The following CLPX variants were observed in gnomAD, a reference collection of about 807,000 sequenced individuals.
CLPX encodes the protein caseinolytic mitochondrial matrix peptidase chaperone subunit X, also known as ATP-dependent clpX-like chaperone, mitochondrial.
CLPX carries 34 observed loss-of-function variants against 76.4 expected under a neutral mutation model. That is an observed-to-expected ratio of 0.45 (90% CI 0.34 to 0.59). The LOEUF is 0.59. Ranked by LOEUF, CLPX falls within the 20% of genes least tolerant of loss-of-function variation. The pLI, the probability that CLPX is intolerant of heterozygous loss-of-function variation, is 0.01. For synonymous variants in CLPX, 248 were observed against 270.9 expected, an observed-to-expected ratio of 0.92 and a Z score of 0.83; for missense variants, 613 against 757.0, an observed-to-expected ratio of 0.81 and a Z score of 2.23.
chr15:65,151,706 T>C (rs2087723151), intron 13 of CLPX, among the ~76,000 whole-genome samples: 1 of 152,192 alleles, frequency 6.6e-6, no homozygotes, highest in Non-Finnish European at 1.5e-5. Context: ...TAAAAGATTA[T>C]ATCTCTCTGG....
chr15:65,168,862 CTT>C (rs879531675), intron 3 of CLPX, among the ~76,000 whole-genome samples: 2 of 144,266 alleles, frequency 1.4e-5, no homozygotes, highest in Non-Finnish European at 1.5e-5. Flanking sequence ...TTTCTTTTCT[CTT>C]TTTTTTTTTT....
intron 1 of CLPX, among the ~76,000 whole-genome samples, chr15:65,181,613 C>T (rs1200197223): frequency 1.3e-5 from 2 of 151,516 alleles, no homozygotes; most frequent in Non-Finnish European, 2.9e-5. Context: ...AGTAGCCAGG[C>T]GTGGTGACAG....
At chr15:65,152,163 C>T (rs1330810486) in intron 13 of CLPX, among the ~76,000 whole-genome samples, 2 of 152,044 alleles carry the variant, frequency 1.3e-5, no homozygotes, top group Admixed American at 6.6e-5. Flanking sequence ...CTCTTGACCT[C>T]GTGATCCGCC....
In CLPX at chr15:65,177,037, C is replaced by A. The variant is rs1297119124; in HGVS notation, c.358+1897G>T. ...TCTGTATAATTTTATTATATCACAT[C>A]AAATTTGTTTAGAAGGTTTTATCAT... is the stretch of plus-strand genomic sequence containing the variant. On this transcript the variant is annotated intron_variant, in intron 3 of 13. Coordinates refer to ENST00000300107, the MANE Select transcript of CLPX (RefSeq NM_006660.5). Among the ~76,000 whole-genome samples the A allele has an allele frequency of 2.0e-5, 3 of 151,676 alleles. No individual in the cohort carries two copies. In the East Asian group the frequency reaches 5.8e-4, roughly 29 times the overall value.
At chr15:65,179,515 CAT>C (rs2088135618) in intron 2 of CLPX, among the ~76,000 whole-genome samples, 2 of 152,204 alleles carry the variant, frequency 1.3e-5, no homozygotes, top group Non-Finnish European at 2.9e-5. Context: ...TTTTGTCTAA[CAT>C]ATAAAATTAA....
chr15:65,176,390 T>C (rs1303138247), intron 3 of CLPX, among the ~76,000 whole-genome samples: 1 of 152,198 alleles, frequency 6.6e-6, no homozygotes, highest in African/African-American at 2.4e-5. Context: ...GATATAGGAA[T>C]TTCTGAATAG....
intron 3 of CLPX, among the ~76,000 whole-genome samples, chr15:65,171,460 A>C (rs559794588): frequency 6.6e-6 from 1 of 152,200 alleles, no homozygotes; most frequent in Non-Finnish European, 1.5e-5. Context: ...AAAAAAAAAA[A>C]CATTTCGGAT....
chr15:65,162,003 C>A (rs1284941218), intron 6 of CLPX, among the ~76,000 whole-genome samples: 1 of 152,056 alleles, frequency 6.6e-6, no homozygotes, highest in Non-Finnish European at 1.5e-5. Context: ...AGCTAATTTT[C>A]TTTATTTCAA....
At chr15:65,173,241 G>A (rs2088036611) in intron 3 of CLPX, among the ~76,000 whole-genome samples, 2 of 151,792 alleles carry the variant, frequency 1.3e-5, no homozygotes, top group African/African-American at 4.8e-5. Context: ...GTGGTGGTGG[G>A]CACCTATAAT....
intron 4 of CLPX, 144 bp downstream of exon 4, chr15:65,166,485 AAC>A (rs1486173698): frequency 6.1e-6 from 5 of 826,042 alleles, no homozygotes; most frequent in Non-Finnish European, 9.6e-6. Flanking sequence ...AAAAGGCAAT[AAC>A]AATTTAGCCA....
intron 4 of CLPX, 115 bp from the exon 5 acceptor site, chr15:65,164,303 C>T (rs1388907316): frequency 2.6e-6 from 2 of 755,628 alleles, no homozygotes; most frequent in African/African-American, 3.6e-5. Flanking sequence ...CAAAGACTCT[C>T]ATTAAAAACA....
At chr15:65,151,762 T>C (rs944802451) in intron 13 of CLPX, among the ~76,000 whole-genome samples, 1 of 152,194 alleles carries the variant, frequency 6.6e-6, no homozygotes, top group African/African-American at 2.4e-5. Flanking sequence ...TAAAGTTATC[T>C]TGGAACACAA....
chr15:65,166,028 G>C (rs1026089628), intron 4 of CLPX, among the ~76,000 whole-genome samples: 1 of 152,112 alleles, frequency 6.6e-6, no homozygotes. Context: ...TTCTCAAAAA[G>C]CACACACCAA....
intron 3 of CLPX, among the ~76,000 whole-genome samples, chr15:65,174,164 G>A (rs552165613): frequency 3.3e-5 from 5 of 151,994 alleles, no homozygotes; most frequent in African/African-American, 9.7e-5. Context: ...TATTAGAGAC[G>A]GGGTTTCACC....
At chr15:65,157,604 G>A (rs944935472) in intron 8 of CLPX, 142 bp downstream of exon 8, 15 of 819,358 alleles carry the variant, frequency 1.8e-5, no homozygotes, top group Non-Finnish European at 2.4e-5. Context: ...TAATCAGTAT[G>A]CTAGAAATTA....
chr15:65,164,271 TG>T, intron 4 of CLPX, 83 bp from the exon 5 acceptor site: 3 of 1,120,538 alleles, frequency 2.7e-6, no homozygotes, highest in Non-Finnish European at 3.8e-6. Context: ...TAAGCATATT[TG>T]CTTACAGTTT....
intron 7 of CLPX, 172 bp downstream of exon 7, chr15:65,158,403 G>T: frequency 3.8e-6 from 2 of 530,608 alleles, no homozygotes; most frequent in Non-Finnish European, 6.5e-6. Flanking sequence ...CAACACCAAT[G>T]CCTCAAATCC....
At chr15:65,169,314 G>A (rs910082150) in intron 3 of CLPX, among the ~76,000 whole-genome samples, 6 of 152,058 alleles carry the variant, frequency 3.9e-5, no homozygotes, top group East Asian at 3.9e-4. Flanking sequence ...TTGCCCAGGC[G>A]GGTCTCAAAC....
intron 3 of CLPX, among the ~76,000 whole-genome samples, chr15:65,169,824 C>A (rs991033474): frequency 2.2e-4 from 33 of 151,224 alleles, no homozygotes; most frequent in Non-Finnish European, 3.8e-4. Flanking sequence ...GGTGCAATCT[C>A]GGCTTACTGC....
Sources: allele counts gnomAD v4.1 joint callset (sites outside exome capture counted in the v4.1 genomes callset), GRCh38; gene constraint gnomAD v4.1.1; transcripts MANE v1.5; gene names NCBI Gene and HGNC (gene_info 2026-07-23, HGNC 2026-07-21).